The following PTPRM variants were observed in gnomAD, a reference collection of about 807,000 sequenced individuals.
PTPRM encodes the protein receptor-type tyrosine-protein phosphatase mu.
PTPRM carries 47 observed loss-of-function variants against 186.7 expected under a neutral mutation model. The ratio of observed to expected loss-of-function variants is 0.25; its 90% CI spans 0.20 to 0.32. The LOEUF is 0.32. Ranked by LOEUF, PTPRM falls within the 10% of genes least tolerant of loss-of-function variation. PTPRM has a pLI of 1.00. For missense variants in PTPRM, 1,494 were observed against 1,865.0 expected (o/e 0.80, Z 3.66); for synonymous variants, 668 against 674.9 (o/e 0.99, Z 0.16).
At chr18:8,099,134 T>C (rs2091159981) in intron 11 of PTPRM, among the ~76,000 whole-genome samples, 1 of 150,858 alleles carries the variant, frequency 6.6e-6, no homozygotes, top group Non-Finnish European at 1.5e-5. Context: ...CTCTCCACAG[T>C]CTCTTTCTCT....
At chr18:8,121,028 G>A (rs916908956) in intron 13 of PTPRM, among the ~76,000 whole-genome samples, 16 of 152,304 alleles carry the variant, frequency 1.1e-4, no homozygotes, top group Admixed American at 4.6e-4. Context: ...TGCATAATAC[G>A]TCATATTAAG....
chr18:7,594,789 A>C (rs1267497257), intron 1 of PTPRM, among the ~76,000 whole-genome samples: 1 of 152,206 alleles, frequency 6.6e-6, no homozygotes, highest in South Asian at 2.1e-4. Flanking sequence ...CTGGTCTCCA[A>C]ATTAAAGGAA....
chr18:8,307,602 C>CA (rs1232874136), intron 20 of PTPRM, among the ~76,000 whole-genome samples: 1 of 152,064 alleles, frequency 6.6e-6, no homozygotes, highest in East Asian at 1.9e-4. Context: ...AAAGGAGTTT[C>CA]AGACCAGCCT....
intron 7 of PTPRM, among the ~76,000 whole-genome samples, chr18:8,038,044 T>G (rs879885116): frequency 6.6e-6 from 1 of 152,216 alleles, no homozygotes; most frequent in Admixed American, 6.5e-5. Context: ...TTTTCATGTT[T>G]ATATCACCTC....
chr18:7,639,668 A>C (rs1043411715), intron 1 of PTPRM, among the ~76,000 whole-genome samples: 1 of 152,210 alleles, frequency 6.6e-6, no homozygotes, highest in Non-Finnish European at 1.5e-5. Flanking sequence ...CTGGGATTAC[A>C]GGCTTGAGCC....
At chr18:7,683,638 G>A (rs1704887193) in intron 1 of PTPRM, among the ~76,000 whole-genome samples, 2 of 152,166 alleles carry the variant, frequency 1.3e-5, no homozygotes, top group African/African-American at 4.8e-5. Context: ...GGTGTGAGAA[G>A]TAATTTGAGG....
At chr18:8,140,433 T>C (rs1376441800) in intron 13 of PTPRM, among the ~76,000 whole-genome samples, 1 of 76,918 alleles carries the variant, frequency 1.3e-5, no homozygotes, top group East Asian at 3.9e-4. Context: ...ATTCCATTTG[T>C]TTTGAGTTTT....
chr18:7,683,405 G>A (rs1054257011), intron 1 of PTPRM, among the ~76,000 whole-genome samples: 41 of 152,216 alleles, frequency 2.7e-4, no homozygotes, highest in African/African-American at 9.6e-4. Context: ...ACTCCTGGCT[G>A]GAAGGGATCC....
chr18:8,096,724 G>A (rs974518324), intron 11 of PTPRM, among the ~76,000 whole-genome samples: 5 of 152,222 alleles, frequency 3.3e-5, no homozygotes, highest in African/African-American at 1.2e-4. Flanking sequence ...TTGATTTAGG[G>A]AGTTTAAGGG....
intron 3 of PTPRM, among the ~76,000 whole-genome samples, chr18:7,905,844 C>T (rs2049951548): frequency 6.6e-6 from 1 of 152,146 alleles, no homozygotes; most frequent in African/African-American, 2.4e-5. Flanking sequence ...CTTACTACCC[C>T]ACATGGTCCA....
chr18:8,019,373 T>C (rs2085068934), intron 7 of PTPRM, among the ~76,000 whole-genome samples: 2 of 151,096 alleles, frequency 1.3e-5, no homozygotes, highest in African/African-American at 4.9e-5. Context: ...TAAATTTCTC[T>C]TTTTGTTTTG....
chr18:7,756,210 TGTTAG>T (rs1305205603), intron 1 of PTPRM, among the ~76,000 whole-genome samples: 1 of 152,156 alleles, frequency 6.6e-6, no homozygotes, highest in African/African-American at 2.4e-5. Context: ...TTGCTTTCAG[TGTTAG>T]GTTAGGTTTC....
intron 14 of PTPRM, among the ~76,000 whole-genome samples, chr18:8,224,680 A>G (rs190422131): frequency 1.3e-5 from 2 of 152,312 alleles, no homozygotes; most frequent in Admixed American, 1.3e-4. Context: ...CCTTTTATAT[A>G]TGATTCCTTA....
intron 7 of PTPRM, among the ~76,000 whole-genome samples, chr18:7,984,728 T>G (rs2082764213): frequency 7.2e-6 from 1 of 138,680 alleles, no homozygotes; most frequent in African/African-American, 2.7e-5. Context: ...GGGGTAAATA[T>G]AAATATATAC....
chr18:8,391,596 T>C (rs1440470253), intron 31 of PTPRM, among the ~76,000 whole-genome samples: 1 of 152,232 alleles, frequency 6.6e-6, no homozygotes, highest in African/African-American at 2.4e-5. Flanking sequence ...CTGATGGTAT[T>C]GTTGAGGAAG....
rs1291350231 is a variant in PTPRM, at chr18:7,966,580, C to T, written c.1132+11166C>T. Among the ~76,000 whole-genome samples, 5 of 146,450 alleles carry T rather than the reference C, an allele frequency of 3.4e-5. No individual in the cohort carries two copies. The Middle Eastern group carries it at 0.01, about 303-fold the overall frequency. On this transcript the variant is annotated intron_variant, in intron 7 of 32. Coordinates refer to ENST00000580170, the MANE Select transcript of PTPRM (RefSeq NM_001105244.2). Reference sequence around the variant, plus strand: ...TCACTAGGGAGTGCCAGACAGTGGGCTCAGGTCAGTGGGTGCGCGCACCGT... The same window carrying T: ...TCACTAGGGAGTGCCAGACAGTGGGTTCAGGTCAGTGGGTGCGCGCACCGT...
intron 3 of PTPRM, among the ~76,000 whole-genome samples, chr18:7,895,150 T>A (rs532685777): frequency 9.2e-5 from 14 of 152,102 alleles, no homozygotes; most frequent in Admixed American, 3.9e-4. Flanking sequence ...GGCAACTGAT[T>A]TAAACTTTAT....
intron 7 of PTPRM, among the ~76,000 whole-genome samples, chr18:7,996,199 T>C (rs1219216694): frequency 1.3e-5 from 2 of 151,500 alleles, no homozygotes; most frequent in African/African-American, 4.9e-5. Context: ...AAAAAATAAA[T>C]AAACACCATG....
chr18:8,129,273 T>A (rs1045101954), intron 13 of PTPRM, among the ~76,000 whole-genome samples: 1 of 152,194 alleles, frequency 6.6e-6, no homozygotes, highest in African/African-American at 2.4e-5. Context: ...TTGATGTTAA[T>A]AAAAATGAGA....
Sources: allele counts gnomAD v4.1 joint callset (sites outside exome capture counted in the v4.1 genomes callset), GRCh38; gene constraint gnomAD v4.1.1; transcripts MANE v1.5; gene names NCBI Gene and HGNC (gene_info 2026-07-23, HGNC 2026-07-21).